Variants in CCDC152 observed in about 807,000 individuals in gnomAD.
The protein encoded by CCDC152 is coiled-coil domain containing 152.
CCDC152 carries 37 observed loss-of-function variants against 38.1 expected under a neutral mutation model. The ratio of observed to expected loss-of-function variants is 0.97; its 90% CI spans 0.75 to 1.28. The LOEUF (loss-of-function observed/expected upper bound fraction) is 1.28. Among genes scored for constraint, CCDC152 ranks in the 50% most tolerant of loss-of-function variants. The probability of loss-of-function intolerance (pLI) is 0.00; values close to 1 mark genes in which losing one functional copy is unlikely to be tolerated. For synonymous variants in CCDC152, 83 were observed against 87.1 expected (o/e 0.95, Z 0.26); for missense variants, 259 against 292.1 (o/e 0.89, Z 0.83).
Position 42,760,432 on chromosome 5 carries a change from A to G in CCDC152, c.87+1224A>G, listed in dbSNP as rs539865400. Among the ~76,000 whole-genome samples, 9 of 151,966 alleles carry G rather than the reference A, an allele frequency of 5.9e-5. No individual in the cohort carries two copies. In the South Asian group the frequency reaches 1.9e-3, roughly 32 times the overall value. The stretch of plus-strand genomic sequence containing the variant: ...CTCATTTTTTAGTATTTCCTGTTCT[A>G]TCTCTTCCATTTTCCTTCTTTTTTG... On this transcript the variant is annotated intron_variant, in intron 2 of 8. Coordinates refer to ENST00000361970, the MANE Select transcript of CCDC152 (RefSeq NM_001134848.2).
intron 3 of CCDC152, among the ~76,000 whole-genome samples, chr5:42,766,941 A>G (rs1487200237): frequency 6.6e-6 from 1 of 152,024 alleles, no homozygotes; most frequent in Non-Finnish European, 1.5e-5. Flanking sequence ...CAGTTGATAA[A>G]TGCTTGAGGG....
chr5:42,800,686 G>T lies in CCDC152; in HGVS notation c.*905G>T. 1.9e-6 allele frequency: 3 copies of T among 1,541,220 alleles called. No individual in the cohort carries two copies. Among genetic ancestry groups the T allele is most frequent in the South Asian group, 1.3e-5 (1 of 78,012 alleles). Reference sequence around the variant, plus strand: ...AATGCTGGAAATGAAATTGTGTCTAGACTAAATTGGGGAGTATGTCCTATT... The same window carrying T: ...AATGCTGGAAATGAAATTGTGTCTATACTAAATTGGGGAGTATGTCCTATT... On this transcript the variant is annotated 3_prime_UTR_variant, in exon 9 of 9. Transcript: ENST00000361970.
chr5:42,774,901 A>T (rs1031762124), intron 4 of CCDC152, among the ~76,000 whole-genome samples: 43 of 152,198 alleles, frequency 2.8e-4, no homozygotes, highest in Non-Finnish European at 5.4e-4. Flanking sequence ...ACACAAATGA[A>T]GAATGCCTTT....
chr5:42,783,597 C>G, intron 6 of CCDC152, 21 bp downstream of exon 6: 1 of 1,244,622 alleles, frequency 8.0e-7, no homozygotes, highest in Non-Finnish European at 1.0e-6. Context: ...AATAAACTTG[C>G]TTTTTTGTTA....
intron 3 of CCDC152, 127 bp from the exon 4 acceptor site, chr5:42,769,470 T>C: frequency 9.0e-7 from 1 of 1,106,672 alleles, no homozygotes. Context: ...CTTGAGTCAA[T>C]AGGACTACAA....
At chr5:42,766,947 G>C (rs1759632469) in intron 3 of CCDC152, among the ~76,000 whole-genome samples, 1 of 152,144 alleles carries the variant, frequency 6.6e-6, no homozygotes, top group South Asian at 2.1e-4. Flanking sequence ...ATAAATGCTT[G>C]AGGGGATAGA....
intron 6 of CCDC152, among the ~76,000 whole-genome samples, chr5:42,786,296 A>C (rs1391862385): frequency 1.3e-5 from 2 of 151,810 alleles, no homozygotes. Context: ...TTATTTATTC[A>C]ATTTTATAAC....
At chr5:42,766,736 A>T (rs1759629015) in intron 3 of CCDC152, among the ~76,000 whole-genome samples, 1 of 152,160 alleles carries the variant, frequency 6.6e-6, no homozygotes, top group Admixed American at 6.5e-5. Flanking sequence ...CATAGAGAGT[A>T]GAAGGATGGT....
chr5:42,780,958 T>C (rs1481497398), intron 5 of CCDC152, among the ~76,000 whole-genome samples: 1 of 152,180 alleles, frequency 6.6e-6, no homozygotes, highest in Non-Finnish European at 1.5e-5. Flanking sequence ...GATTACATTT[T>C]TTAGGAATGG....
intron 4 of CCDC152, among the ~76,000 whole-genome samples, chr5:42,771,621 A>G (rs1024923796): frequency 2.6e-5 from 4 of 152,166 alleles, no homozygotes; most frequent in African/African-American, 9.6e-5. Flanking sequence ...GAGGAGGATA[A>G]TAAGGGACTA....
intron 3 of CCDC152, among the ~76,000 whole-genome samples, chr5:42,765,540 A>G (rs1032449335): frequency 6.6e-6 from 1 of 152,222 alleles, no homozygotes; most frequent in African/African-American, 2.4e-5. Context: ...TAAGCAAAAC[A>G]GTATGATACT....
At chr5:42,782,213 T>C (rs1027040143) in intron 5 of CCDC152, among the ~76,000 whole-genome samples, 1 of 152,226 alleles carries the variant, frequency 6.6e-6, no homozygotes, top group Non-Finnish European at 1.5e-5. Context: ...AAACAGAAGT[T>C]CAGCTTGCAT....
intron 6 of CCDC152, among the ~76,000 whole-genome samples, chr5:42,786,252 TTTGTTGTTG>T (rs201044063): frequency 6.6e-6 from 1 of 151,890 alleles, no homozygotes; most frequent in African/African-American, 2.4e-5. Flanking sequence ...GTCCTGGGAT[TTTGTTGTTG>T]TTGTTGTTGT....
intron 4 of CCDC152, among the ~76,000 whole-genome samples, chr5:42,771,678 G>A (rs1320510672): frequency 6.6e-6 from 1 of 152,006 alleles, no homozygotes; most frequent in East Asian, 1.9e-4. Context: ...AGAAGAAATA[G>A]TCAAATACCT....
At chr5:42,789,592 A>G (rs938205912) in intron 6 of CCDC152, among the ~76,000 whole-genome samples, 2 of 152,188 alleles carry the variant, frequency 1.3e-5, no homozygotes, top group Non-Finnish European at 2.9e-5. Flanking sequence ...TTTACACTTA[A>G]TGTTATCTAA....
chr5:42,767,640 G>A (rs1759642588), intron 3 of CCDC152, among the ~76,000 whole-genome samples: 1 of 152,168 alleles, frequency 6.6e-6, no homozygotes, highest in Non-Finnish European at 1.5e-5. Flanking sequence ...TTAGTGAATG[G>A]TATTCTCGTG....
intron 3 of CCDC152, among the ~76,000 whole-genome samples, chr5:42,766,610 C>G (rs574956836): frequency 1.3e-4 from 20 of 151,326 alleles, no homozygotes; most frequent in Non-Finnish European, 2.2e-4. Context: ...CCATTTGCAA[C>G]AACATAGATG....
intron 7 of CCDC152, among the ~76,000 whole-genome samples, chr5:42,797,513 A>G (rs935902292): frequency 1.1e-4 from 16 of 152,140 alleles, no homozygotes; most frequent in African/African-American, 3.6e-4. Context: ...TATTTTAGCT[A>G]TTGTATTTTT....
chr5:42,783,525 G>T lies in CCDC152; in HGVS notation c.379G>T (p.Glu127Ter). ...KLVSEMKIKE[E>*]GYKKEISKLY... is the part of the protein sequence containing the mutation. Reference sequence around the variant, plus strand: ...TGTAAGTGAAATGAAAATCAAAGAGGAGGGATATAAGAAAGAAATAAGCAA... The same window carrying T: ...TGTAAGTGAAATGAAAATCAAAGAGTAGGGATATAAGAAAGAAATAAGCAA... Residue 127 changes from glutamate to a stop codon, truncating the protein, a stop_gained, in exon 6 of 9, where the codon GAG becomes TAG. Transcript: ENST00000361970. LOFTEE classifies it high-confidence loss of function. 7.2e-7 allele frequency: 1 copy of T among 1,390,766 alleles called. No homozygotes were observed. The allele number at this position is 1,390,766 out of a possible 1,614,324, so 86.2% of individuals were successfully genotyped here. A position where few individuals can be genotyped will look rare whatever the true frequency, so the allele number is the denominator to read the frequency against.
Sources: allele counts gnomAD v4.1 joint callset (sites outside exome capture counted in the v4.1 genomes callset), GRCh38; gene constraint gnomAD v4.1.1; transcripts MANE v1.5; gene names NCBI Gene and HGNC (gene_info 2026-07-23, HGNC 2026-07-21).